The following PPEF2 variants were observed in gnomAD, a reference collection of about 807,000 sequenced individuals.
PPEF2 encodes serine/threonine-protein phosphatase with EF-hands 2.
A neutral mutation model predicts 84.7 loss-of-function variants in PPEF2; 84 were observed. That is an observed-to-expected ratio of 0.99 (90% CI 0.83 to 1.19). The LOEUF (loss-of-function observed/expected upper bound fraction) is 1.19, where lower values mean the gene tolerates loss of function less well. Ranked by LOEUF, PPEF2 falls within the 50% of genes most tolerant of loss-of-function variation. The probability of loss-of-function intolerance (pLI) is 0.00; values close to 1 mark genes in which losing one functional copy is unlikely to be tolerated. For synonymous variants in PPEF2, 346 were observed against 345.2 expected (o/e 1.00, Z -0.03); for missense variants, 924 against 937.5 (o/e 0.99, Z 0.19).
rs867101807 is a variant in PPEF2 at position 75,888,244 on chromosome 4, T to C, written c.502A>G (p.Thr168Ala). The change falls in exon 6 of 17, where the codon ACC (threonine) becomes GCC (alanine). Residue 168 changes from threonine to alanine, a missense_variant. Coordinates refer to ENST00000286719, the MANE Select transcript of PPEF2 (RefSeq NM_006239.3). ...ACTGTGATCTCCTCACTGTAACAGG[T>C]TGAGACCCGGTTGATGTTTGGCAGC... ...VQLPNINRVS[T>A]CYSEEITVCG... The C allele has an allele frequency of 6.2e-7, 1 of 1,613,610 alleles. No homozygotes were observed. Among genetic ancestry groups the C allele is most frequent in the African/African-American group, 1.3e-5 (1 of 74,916 alleles).
At chr4:75,878,142 G>C (rs891719459) in intron 10 of PPEF2, among the ~76,000 whole-genome samples, 4 of 152,222 alleles carry the variant, frequency 2.6e-5, no homozygotes, top group Non-Finnish European at 5.9e-5. Flanking sequence ...GGACAGGGGA[G>C]GGGAGGGAGC....
At position 75,860,535 on chromosome 4, in the gene PPEF2, A is replaced by G; in HGVS notation, c.*132T>C. Reference sequence around the variant, plus strand: ...AACCCACCCCTCCACACTGAAATACACAGGTGATTCTGATGCATATGGATA... The same window carrying G: ...AACCCACCCCTCCACACTGAAATACGCAGGTGATTCTGATGCATATGGATA... On this transcript the variant is annotated 3_prime_UTR_variant, in exon 17 of 17. Coordinates refer to ENST00000286719, the MANE Select transcript of PPEF2 (RefSeq NM_006239.3). 4 of 1,194,410 alleles carry G rather than the reference A, an allele frequency of 3.3e-6. No homozygotes were observed. In the South Asian group the frequency reaches 4.6e-5, roughly 14 times the overall value. The allele number at this position is 1,194,410 out of a possible 1,614,324, so 74.0% of individuals were successfully genotyped here.
At position 75,872,116 on chromosome 4, in the gene PPEF2, C is replaced by T. The variant is rs1724296445; in HGVS notation, c.1558G>A (p.Gly520Arg). 3 of 1,613,956 alleles carry T rather than the reference C, an allele frequency of 1.9e-6. No individual in the cohort carries two copies. Among genetic ancestry groups the T allele is most frequent in the Non-Finnish European group, 2.5e-6 (3 of 1,179,886 alleles). ...GCTGGCCCCAGTTTGACATAGGCCC[C>T]TCTGTTGCTGCCAACTTCATAGTAG... ...SNYYEVGSNR[G>R]AYVKLGPALT... The change falls in exon 13 of 17, where the codon GGG becomes AGG. Residue 520 changes from glycine (G) to arginine (R), a missense_variant. Gly to Arg is a moderately radical substitution (Grantham distance 125, BLOSUM62 -2). Transcript: ENST00000286719.
At chr4:75,862,501 A>G (rs918696678) in intron 16 of PPEF2, among the ~76,000 whole-genome samples, 1 of 152,106 alleles carries the variant, frequency 6.6e-6, no homozygotes, top group African/African-American at 2.4e-5. Flanking sequence ...ATTTGAATAG[A>G]CATTTCTCCA....
At position 75,888,249 on chromosome 4, in the gene PPEF2, A is replaced by T. The variant is rs746641229; in HGVS notation, c.497T>A (p.Val166Asp). 1 of 1,613,804 alleles carries T rather than the reference A, an allele frequency of 6.2e-7. No homozygotes were observed. Among genetic ancestry groups the T allele is most frequent in the East Asian group, 2.2e-5 (1 of 44,880 alleles). ...HLVQLPNINR[V>D]STCYSEEITV... ...GATCTCCTCACTGTAACAGGTTGAG[A>T]CCCGGTTGATGTTTGGCAGCTGTAC... The change falls in exon 6 of 17, where the codon GTC becomes GAC. Residue 166 changes from valine to aspartate, a missense_variant. By Grantham distance (152) the Val-to-Asp change is radical (BLOSUM62 -3). Transcript: ENST00000286719.
intron 5 of PPEF2, among the ~76,000 whole-genome samples, chr4:75,889,621 G>C (rs78910534): frequency 0.036 from 5,529 of 152,232 alleles, 273 homozygotes; most frequent in African/African-American, 0.11. Context: ...CTCCCCGATG[G>C]AATGCCAGCC....
At chr4:75,886,684 C>A (rs1724734758) in intron 7 of PPEF2, among the ~76,000 whole-genome samples, 168 bp downstream of exon 7, 1 of 152,066 alleles carries the variant, frequency 6.6e-6, no homozygotes. Flanking sequence ...CGCACCACTG[C>A]ACTCCAGCCT....
chr4:75,889,457 T>G (rs1724821902), intron 5 of PPEF2, among the ~76,000 whole-genome samples: 1 of 152,170 alleles, frequency 6.6e-6, no homozygotes, highest in African/African-American at 2.4e-5. Flanking sequence ...CTCACCACCT[T>G]AGATCTTTGC....
chr4:75,868,214 G>A (rs1474607009), intron 13 of PPEF2, among the ~76,000 whole-genome samples: 1 of 150,918 alleles, frequency 6.6e-6, no homozygotes, highest in East Asian at 1.9e-4. Context: ...TGCTTGTGGG[G>A]CTGAGGTGGG....
intron 13 of PPEF2, among the ~76,000 whole-genome samples, chr4:75,870,048 A>G (rs1351293823): frequency 1.3e-5 from 2 of 152,208 alleles, no homozygotes; most frequent in Non-Finnish European, 2.9e-5. Context: ...AATGCAATCA[A>G]TGAAGGTTTC....
chr4:75,867,524 C>A, intron 13 of PPEF2, 105 bp from the exon 14 acceptor site: 1 of 845,386 alleles, frequency 1.2e-6, no homozygotes, highest in East Asian at 2.7e-5. Flanking sequence ...ATCAGTCTCC[C>A]AAGAGCTCAG....
rs1046332049 is a variant in PPEF2, at chr4:75,866,087, C to A, written c.1920+102G>T. 1.2e-5 allele frequency: 15 copies of A among 1,293,048 alleles called. No homozygotes were observed. In the Admixed American group the frequency reaches 1.7e-4, roughly 14 times the overall value. 80.1% of individuals were successfully genotyped at this position (1,293,048 alleles called of 1,614,324 possible). On this transcript the variant is annotated intron_variant, in intron 15 of 16. Coordinates refer to ENST00000286719, the MANE Select transcript of PPEF2 (RefSeq NM_006239.3). ...TAGTTATTCCCCTTTCTCACCCATC[C>A]AGCTTTTTGGGTTATTACTAGTTGG... is the stretch of plus-strand genomic sequence containing the variant.
Position 75,882,946 on chromosome 4 carries a change from C to T in PPEF2, c.913G>A (p.Asp305Asn). The T allele has an allele frequency of 1.2e-5, 19 of 1,613,050 alleles. No homozygotes were observed. The highest frequency in any genetic ancestry group is 1.6e-5 in the Non-Finnish European group (19 of 1,179,624). ...ACTACCTTGCTCCTCTCTATTTTGT[C>T]CAAAAGCTCCAGATCAGTTATGTCT... ...VSDITDLELL[D>N]KIERSKIVST... Residue 305 changes from aspartate (D) to asparagine (N), a missense_variant, in exon 10 of 17, where the codon GAC (aspartate) becomes AAC (asparagine). Transcript: ENST00000286719.
rs957455017 is a variant in PPEF2 at position 75,878,621 on chromosome 4, C to T, written c.934-1948G>A. ...GAATAGAACAGAGCTTATTATCTGA[C>T]ATTGGACAAGCGTTAATCACTTTCT... On this transcript the variant is annotated intron_variant, in intron 10 of 16. Coordinates refer to ENST00000286719, the MANE Select transcript of PPEF2 (RefSeq NM_006239.3). Among the ~76,000 whole-genome samples the T allele has an allele frequency of 3.3e-5, 5 of 152,208 alleles. No homozygotes were observed. In the East Asian group the frequency reaches 9.6e-4, roughly 29 times the overall value.
intron 4 of PPEF2, among the ~76,000 whole-genome samples, chr4:75,891,236 C>T (rs1292926619): frequency 6.6e-6 from 1 of 151,924 alleles, no homozygotes. Context: ...TACTTCTCTC[C>T]CACCTCCCCA....
intron 15 of PPEF2, among the ~76,000 whole-genome samples, chr4:75,864,793 C>G (rs1724089336): frequency 1.3e-5 from 2 of 152,048 alleles, no homozygotes; most frequent in Admixed American, 6.6e-5. Flanking sequence ...TGCTTGGGAC[C>G]AGAAATGTTG....
At position 75,860,785 on chromosome 4, in the gene PPEF2, T is replaced by C. The variant is rs764510156; in HGVS notation, c.2144A>G (p.Asn715Ser). Residue 715 changes from asparagine (N) to serine (S), a missense_variant, in exon 17 of 17, where the codon AAT (asparagine) becomes AGT (serine). Coordinates refer to ENST00000286719, the MANE Select transcript of PPEF2 (RefSeq NM_006239.3). ...DFNKDGHIDI[N>S]EFLEAFRLVE... Reference sequence around the variant, plus strand: ...AAGGCGGAAGGCCTCCAGGAACTCATTGATATCAATGTGGCCATCTTTGTT... The same window carrying C: ...AAGGCGGAAGGCCTCCAGGAACTCACTGATATCAATGTGGCCATCTTTGTT... 71 of 1,614,250 alleles carry C rather than the reference T, an allele frequency of 4.4e-5. No homozygotes were observed. The highest frequency in any genetic ancestry group is 1.0e-4 in the Admixed American group (6 of 60,032).
At chr4:75,898,365 T>C (rs906649002) in intron 1 of PPEF2, among the ~76,000 whole-genome samples, 1 of 152,246 alleles carries the variant, frequency 6.6e-6, no homozygotes, top group Non-Finnish European at 1.5e-5. Context: ...TCAAACTCTG[T>C]GCTTTAACTA....
At chr4:75,877,091 T>C (rs1724445382) in intron 10 of PPEF2, among the ~76,000 whole-genome samples, 2 of 141,232 alleles carry the variant, frequency 1.4e-5, no homozygotes, top group Non-Finnish European at 1.6e-5. Context: ...TCCCAGCACA[T>C]TGGGAGCCCG....
Sources: allele counts gnomAD v4.1 joint callset (sites outside exome capture counted in the v4.1 genomes callset), GRCh38; gene constraint gnomAD v4.1.1; transcripts MANE v1.5; gene names NCBI Gene and HGNC (gene_info 2026-07-23, HGNC 2026-07-21).